MYO1H: variants seen among roughly 807,000 people sequenced by gnomAD.
MYO1H encodes the protein unconventional myosin-Ih.
Under a neutral mutation model 149.3 loss-of-function variants are expected in MYO1H, and 118 were observed. That is an observed-to-expected ratio of 0.79 (90% CI 0.68 to 0.92). MYO1H has a LOEUF of 0.92. Ranked by LOEUF, MYO1H falls within the 40% of genes least tolerant of loss-of-function variation. The pLI is 0.00. For synonymous variants in MYO1H, 447 were observed against 465.2 expected (o/e 0.96, Z 0.50); for missense variants, 1,212 against 1,280.7 (o/e 0.95, Z 0.82).
At chr12:109,415,038 G>A (rs1269334798) in intron 14 of MYO1H, among the ~76,000 whole-genome samples, 1 of 152,074 alleles carries the variant, frequency 6.6e-6, no homozygotes, top group East Asian at 1.9e-4. Context: ...AAGAAATCTT[G>A]GTCTATGGCC....
chr12:109,395,838 A>T (rs2137042194), intron 3 of MYO1H, among the ~76,000 whole-genome samples: 1 of 151,696 alleles, frequency 6.6e-6, no homozygotes, highest in East Asian at 1.9e-4. Context: ...GTCGTGGTAG[A>T]GGATTTTTTG....
chr12:109,389,687 A>G (rs1438227315), intron 2 of MYO1H, among the ~76,000 whole-genome samples: 2 of 152,144 alleles, frequency 1.3e-5, no homozygotes, highest in African/African-American at 4.8e-5. Flanking sequence ...TTTCAGGTAA[A>G]TTCCTCTAGG....
At chr12:109,349,103 A>G (rs1566016057) in intron 1 of MYO1H, among the ~76,000 whole-genome samples, 1 of 152,204 alleles carries the variant, frequency 6.6e-6, no homozygotes, top group Non-Finnish European at 1.5e-5. Flanking sequence ...ATTCATTGGG[A>G]GAAAATAATT....
At chr12:109,377,761 A>G (rs2137021378) in intron 1 of MYO1H, among the ~76,000 whole-genome samples, 1 of 152,346 alleles carries the variant, frequency 6.6e-6, no homozygotes, top group East Asian at 1.9e-4. Context: ...AATAAGTATT[A>G]TGAAAAATAA....
At chr12:109,355,175 C>G (rs2136998955) in intron 1 of MYO1H, among the ~76,000 whole-genome samples, 1 of 152,196 alleles carries the variant, frequency 6.6e-6, no homozygotes, top group Middle Eastern at 3.4e-3. Flanking sequence ...GCCCCCTTTT[C>G]TACCCCACAG....
chr12:109,376,120 C>T (rs1459128083), intron 1 of MYO1H, among the ~76,000 whole-genome samples: 1 of 142,668 alleles, frequency 7.0e-6, no homozygotes, highest in African/African-American at 3.1e-5. Context: ...AAATACAATT[C>T]ATACACCATA....
intron 8 of MYO1H, 102 bp downstream of exon 8, chr12:109,406,137 G>A: frequency 2.7e-6 from 2 of 735,466 alleles, no homozygotes; most frequent in Admixed American, 5.3e-5. Context: ...CTGGTGCCGT[G>A]CTGTTTTGGC....
chr12:109,418,036 T>C (rs2135569431), intron 15 of MYO1H, among the ~76,000 whole-genome samples: 1 of 152,106 alleles, frequency 6.6e-6, no homozygotes, highest in African/African-American at 2.4e-5. Context: ...CAGGATGGTC[T>C]CGATCTCCTG....
Position 109,356,767 on chromosome 12 carries a change from C to T in MYO1H, c.12+8795C>T, listed in dbSNP as rs536108735. On this transcript the variant is annotated intron_variant, in intron 1 of 31. Transcript: ENST00000310903. ...CTGTTTGCTGATATTCATAATTATA[C>T]GCATTCAGTGGTGATTAAGAGGCTG... Among the ~76,000 whole-genome samples, 130 of 152,222 alleles carry T rather than the reference C, an allele frequency of 8.5e-4. 1 individual carries two copies. The highest frequency in any genetic ancestry group is 3.4e-3 in the Middle Eastern group (1 of 294).
chr12:109,411,531 G>A (rs1206829066), intron 13 of MYO1H, among the ~76,000 whole-genome samples: 2 of 152,136 alleles, frequency 1.3e-5, no homozygotes, highest in Non-Finnish European at 2.9e-5. Context: ...TTTCCATGAG[G>A]GCTTTTCTTC....
At chr12:109,330,259 T>C in the MYO1H span, among the ~76,000 whole-genome samples, 1 of 152,038 alleles carries the variant, frequency 6.6e-6, no homozygotes, top group Non-Finnish European at 1.5e-5. Context: ...TGTGTGTAGA[T>C]ACGTGGATGA....
intron 4 of MYO1H, among the ~76,000 whole-genome samples, 153 bp downstream of exon 4, chr12:109,396,735 T>G (rs575537549): frequency 6.6e-6 from 1 of 150,910 alleles, no homozygotes; most frequent in Admixed American, 6.6e-5. Context: ...GACCTGGAAC[T>G]AAGCCCATTT....
At chr12:109,364,603 C>T (rs1312974089) in intron 1 of MYO1H, among the ~76,000 whole-genome samples, 5 of 152,108 alleles carry the variant, frequency 3.3e-5, no homozygotes, top group African/African-American at 1.2e-4. Flanking sequence ...TTTTAAAAGG[C>T]AGAAAATATT....
the MYO1H span, among the ~76,000 whole-genome samples, chr12:109,311,795 C>T: frequency 3.3e-5 from 5 of 152,146 alleles, no homozygotes; most frequent in South Asian, 2.1e-4. Context: ...CCTATTAGCA[C>T]GATTTCTACG....
chr12:109,344,317 T>A (rs569781074), upstream of MYO1H, among the ~76,000 whole-genome samples: 66 of 152,206 alleles, frequency 4.3e-4, no homozygotes, highest in Middle Eastern at 6.8e-3. Context: ...ACAAGATCAA[T>A]ACACAAAAGT....
At chr12:109,406,948 G>C in intron 9 of MYO1H, 88 bp downstream of exon 9, 4 of 1,231,012 alleles carry the variant, frequency 3.2e-6, no homozygotes, top group Non-Finnish European at 4.7e-6. Flanking sequence ...CTCAGGGGAG[G>C]CCAAACCTTT....
At chr12:109,419,881 A>C (rs1871099789) in intron 15 of MYO1H, among the ~76,000 whole-genome samples, 1 of 152,082 alleles carries the variant, frequency 6.6e-6, no homozygotes, top group Non-Finnish European at 1.5e-5. Context: ...CTTAAAAAAA[A>C]AAAAAAAAAT....
chr12:109,420,298 G>T (rs760585888), intron 15 of MYO1H, among the ~76,000 whole-genome samples: 5 of 151,896 alleles, frequency 3.3e-5, no homozygotes. Flanking sequence ...CATGTTACCC[G>T]CCCCCCGGAG....
At chr12:109,330,921 C>T in the MYO1H span, among the ~76,000 whole-genome samples, 2 of 152,056 alleles carry the variant, frequency 1.3e-5, no homozygotes, top group African/African-American at 4.8e-5. Flanking sequence ...GGGTTTTTAG[C>T]ATCTGGGTGG....
Sources: gnomAD v4.1 joint callset for allele counts (sites outside exome capture counted in the v4.1 genomes callset) on GRCh38, gnomAD v4.1.1 for gene constraint, MANE v1.5 for transcripts, NCBI Gene and HGNC (gene_info 2026-07-23, HGNC 2026-07-21) for gene names.